The following CADM1 variants were observed in gnomAD, a reference collection of about 807,000 sequenced individuals.
CADM1 encodes TSLC-1.
CADM1 carries 15 observed loss-of-function variants against 53.1 expected under a neutral mutation model. The ratio of observed to expected loss-of-function variants is 0.28; its 90% confidence interval spans 0.19 to 0.44. The LOEUF is 0.44. Among genes scored for constraint, CADM1 ranks in the 20% least tolerant of loss-of-function variants. The pLI is 1.00. For synonymous variants in CADM1, 281 were observed against 243.0 expected (o/e 1.16, Z -1.45); for missense variants, 434 against 611.3 (o/e 0.71, Z 3.06).
At chr11:115,424,209 A>T (rs1162717839) in intron 1 of CADM1, among the ~76,000 whole-genome samples, 1 of 152,192 alleles carries the variant, frequency 6.6e-6, no homozygotes, top group East Asian at 1.9e-4. Context: ...CTACACATAA[A>T]CACATTCCAA....
chr11:115,329,207 TA>T (rs1376106471), intron 1 of CADM1, among the ~76,000 whole-genome samples: 1 of 152,130 alleles, frequency 6.6e-6, no homozygotes, highest in African/African-American at 2.4e-5. Flanking sequence ...TGTTGATTAA[TA>T]ATTAGAAAGT....
chr11:115,250,160 CG>C lies in CADM1; in HGVS notation c.125-9741del, dbSNP rs1477303227. ...CCTCGTGATCTGCCTGCCTCAGCCT[CG>C]CAAAGTGCTGGGATTACAAGCATGA... On this transcript the variant is annotated intron_variant, in intron 1 of 11. Transcript: ENST00000331581. Among the ~76,000 whole-genome samples the C allele has an allele frequency of 3.3e-5, 5 of 152,288 alleles. 1 individual carries two copies. The highest frequency in any genetic ancestry group is 2.0e-4 in the Admixed American group (3 of 15,292).
At chr11:115,245,200 T>G (rs1942370982) in intron 1 of CADM1, among the ~76,000 whole-genome samples, 1 of 152,182 alleles carries the variant, frequency 6.6e-6, no homozygotes, top group African/African-American at 2.4e-5. Context: ...TTAGGAAAAC[T>G]AATCATATTA....
At chr11:115,501,896 C>A (rs1179235547) in intron 1 of CADM1, among the ~76,000 whole-genome samples, 1 of 152,122 alleles carries the variant, frequency 6.6e-6, no homozygotes, top group Non-Finnish European at 1.5e-5. Context: ...CTCTCAAACT[C>A]ACCACGAAAT....
At chr11:115,334,515 C>A (rs766426756) in intron 1 of CADM1, among the ~76,000 whole-genome samples, 1 of 151,786 alleles carries the variant, frequency 6.6e-6, no homozygotes, top group African/African-American at 2.4e-5. Context: ...ATTCACATAA[C>A]TTTTATTACA....
chr11:115,187,642 T>C (rs1392754787), intron 10 of CADM1, among the ~76,000 whole-genome samples: 1 of 152,204 alleles, frequency 6.6e-6, no homozygotes, highest in Non-Finnish European at 1.5e-5. Context: ...GGTTTTGCCA[T>C]GTTGGCCAGG....
intron 1 of CADM1, among the ~76,000 whole-genome samples, chr11:115,456,655 C>A (rs1390775070): frequency 6.6e-6 from 1 of 152,050 alleles, no homozygotes; most frequent in Non-Finnish European, 1.5e-5. Context: ...GGACTTTAAT[C>A]CTGGCTCTTC....
chr11:115,408,209 CTG>C (rs1947366889), intron 1 of CADM1, among the ~76,000 whole-genome samples: 1 of 152,128 alleles, frequency 6.6e-6, no homozygotes, highest in Non-Finnish European at 1.5e-5. Flanking sequence ...CATGTGAACA[CTG>C]GAAATGAGAA....
chr11:115,479,411 G>A (rs1949209200), intron 1 of CADM1, among the ~76,000 whole-genome samples: 1 of 151,888 alleles, frequency 6.6e-6, no homozygotes, highest in South Asian at 2.1e-4. Context: ...TTTCCTATTT[G>A]TCTTCCAAAA....
At chr11:115,280,124 G>C (rs10488712) in intron 1 of CADM1, among the ~76,000 whole-genome samples, 20,952 of 152,198 alleles carry the variant, frequency 0.14, 1,743 homozygotes, top group African/African-American at 0.21. Context: ...AACCTCTACA[G>C]ACTATCTTAT....
intron 1 of CADM1, among the ~76,000 whole-genome samples, chr11:115,467,725 A>G (rs1209583020): frequency 6.6e-6 from 1 of 152,210 alleles, no homozygotes; most frequent in East Asian, 1.9e-4. Flanking sequence ...AAAGAAATCT[A>G]CAATACTCTC....
intron 3 of CADM1, among the ~76,000 whole-genome samples, chr11:115,236,887 C>T (rs1251063229): frequency 6.6e-6 from 1 of 152,016 alleles, no homozygotes; most frequent in Non-Finnish European, 1.5e-5. Context: ...TGCTTTGTAA[C>T]CTGGGCAAGA....
intron 1 of CADM1, among the ~76,000 whole-genome samples, chr11:115,317,982 C>CCACA (rs1212932959): frequency 2.5e-4 from 16 of 64,408 alleles, no homozygotes; most frequent in Non-Finnish European, 8.9e-5. Flanking sequence ...CTATTACACA[C>CCACA]TACACACACA....
In CADM1 at chr11:115,217,955, A is replaced by G. The variant is rs1393187954; in HGVS notation, c.758T>C (p.Leu253Pro). The G allele has an allele frequency of 6.2e-7, 1 of 1,613,580 alleles. No individual in the cohort carries two copies. The highest frequency in any genetic ancestry group is 8.5e-7 in the Non-Finnish European group (1 of 1,179,596). Residue 253 changes from leucine (L) to proline (P), a missense_variant, in exon 6 of 12, where the codon CTA becomes CCA. By Grantham distance (98) the Leu-to-Pro change is moderately conservative (BLOSUM62 -3). Around this residue, in one of 4 missense-constraint regions of CADM1, gnomAD observed 311 missense variants for 435.1 expected, o/e 0.71. Coordinates refer to ENST00000331581, the MANE Select transcript of CADM1 (RefSeq NM_001301043.2). ...PQVHIQMTYP[L>P]QGLTREGDAL... Reference sequence around the variant, plus strand: ...GTCCCCTTCCCGGGTTAAGCCTTGTAGAGGATAAGTCATCTGAATGTGCAC... The same window carrying G: ...GTCCCCTTCCCGGGTTAAGCCTTGTGGAGGATAAGTCATCTGAATGTGCAC...
chr11:115,302,251 T>C (rs936836809), intron 1 of CADM1, among the ~76,000 whole-genome samples: 1 of 152,026 alleles, frequency 6.6e-6, no homozygotes, highest in African/African-American at 2.4e-5. Context: ...CAAACCCCCT[T>C]TACACAAGTC....
chr11:115,477,899 TAC>T (rs1949171012), intron 1 of CADM1, among the ~76,000 whole-genome samples: 2 of 152,212 alleles, frequency 1.3e-5, no homozygotes, highest in African/African-American at 2.4e-5. Flanking sequence ...TCCTGCAGAA[TAC>T]AGATTCCATT....
At chr11:115,436,738 CTA>C in intron 1 of CADM1, among the ~76,000 whole-genome samples, 1 of 152,256 alleles carries the variant, frequency 6.6e-6, no homozygotes, top group African/African-American at 2.4e-5. Flanking sequence ...GCTGTGCCTT[CTA>C]TGTGTATAAG....
At chr11:115,304,036 C>T (rs138529229) in intron 1 of CADM1, among the ~76,000 whole-genome samples, 59 of 152,100 alleles carry the variant, frequency 3.9e-4, no homozygotes, top group African/African-American at 1.4e-3. Flanking sequence ...AAACTGTTGG[C>T]TTCTATAGGA....
intron 1 of CADM1, among the ~76,000 whole-genome samples, chr11:115,466,212 A>C (rs1471001601): frequency 1.3e-5 from 2 of 152,218 alleles, no homozygotes; most frequent in African/African-American, 4.8e-5. Context: ...TGTCCACCAG[A>C]GTGAATGAAG....
Sources: gnomAD v4.1 joint callset for allele counts (sites outside exome capture counted in the v4.1 genomes callset) on GRCh38, gnomAD v4.1.1 for gene constraint, gnomAD v4.1.1 regional missense constraint, MANE v1.5 for transcripts, NCBI Gene and HGNC (gene_info 2026-07-23, HGNC 2026-07-21) for gene names.